Variants in FRMD4A observed in about 807,000 individuals in gnomAD.
FRMD4A encodes FERM domain-containing protein 4A.
FRMD4A carries 29 observed loss-of-function variants against 129.1 expected under a neutral mutation model. The ratio of observed to expected loss-of-function variants is 0.22; its 90% confidence interval spans 0.17 to 0.31. FRMD4A has a LOEUF of 0.31. Ranked by LOEUF, FRMD4A falls within the 10% of genes least tolerant of loss-of-function variation. FRMD4A has a pLI of 1.00. For synonymous variants in FRMD4A, 634 were observed against 571.6 expected (o/e 1.11, Z -1.56); for missense variants, 1,272 against 1,375.8 (o/e 0.92, Z 1.19).
intron 2 of FRMD4A, among the ~76,000 whole-genome samples, chr10:14,231,547 C>T (rs1016908242): frequency 6.6e-6 from 1 of 152,102 alleles, no homozygotes; most frequent in Non-Finnish European, 1.5e-5. Context: ...GAGGTTTCAC[C>T]GTGTTAGCCA....
chr10:13,769,781 C>T (rs1173984003), intron 6 of FRMD4A, among the ~76,000 whole-genome samples: 1 of 152,128 alleles, frequency 6.6e-6, no homozygotes, highest in African/African-American at 2.4e-5. Context: ...GAGCTTGCCC[C>T]TTTTTTCATT....
At chr10:13,763,419 C>T (rs1026849845) in intron 6 of FRMD4A, among the ~76,000 whole-genome samples, 10 of 152,292 alleles carry the variant, frequency 6.6e-5, no homozygotes, top group Admixed American at 1.3e-4. Context: ...TATAGTTCCT[C>T]GGTTGTACTA....
intron 6 of FRMD4A, among the ~76,000 whole-genome samples, chr10:13,763,022 A>C (rs765265849): frequency 1.4e-4 from 22 of 152,132 alleles, no homozygotes; most frequent in Non-Finnish European, 2.9e-4. Context: ...TTTCTGAGGA[A>C]TTGCTCAGAA....
At chr10:13,750,928 A>G (rs1467364947) in intron 8 of FRMD4A, among the ~76,000 whole-genome samples, 1 of 152,180 alleles carries the variant, frequency 6.6e-6, no homozygotes, top group Non-Finnish European at 1.5e-5. Context: ...GAGGGCCCAC[A>G]CTGATGAATT....
chr10:14,021,734 G>A (rs940800743), intron 2 of FRMD4A, among the ~76,000 whole-genome samples: 2 of 152,108 alleles, frequency 1.3e-5, no homozygotes, highest in East Asian at 1.9e-4. Context: ...GGGTGTTCAT[G>A]TTGTAAATAA....
At chr10:13,714,777 T>C (rs1970925) in intron 12 of FRMD4A, among the ~76,000 whole-genome samples, 151,122 of 152,250 alleles carry the variant, frequency 0.99, 75,007 homozygotes, top group Middle Eastern at 1. Flanking sequence ...TGGTGGCTCA[T>C]GCCTGTAATC....
intron 2 of FRMD4A, among the ~76,000 whole-genome samples, chr10:14,167,779 G>A (rs933638728): frequency 2.0e-5 from 3 of 152,184 alleles, no homozygotes; most frequent in Middle Eastern, 3.4e-3. Flanking sequence ...AGAGTCAGCA[G>A]GGTAGACAGA....
At chr10:14,175,905 A>C (rs1035190998) in intron 2 of FRMD4A, among the ~76,000 whole-genome samples, 2 of 152,170 alleles carry the variant, frequency 1.3e-5, no homozygotes, top group Non-Finnish European at 1.5e-5. Context: ...AGACATGTAC[A>C]TCCTTTGACC....
intron 2 of FRMD4A, among the ~76,000 whole-genome samples, chr10:14,306,068 G>C (rs1218481): frequency 0.17 from 26,414 of 152,046 alleles, 2,963 homozygotes; most frequent in African/African-American, 0.31. Flanking sequence ...GTGCAGCAAA[G>C]CACCACGGCA....
rs59818032 is a variant in FRMD4A, at chr10:13,679,474, TACACACACAC to T, written c.1118-4440_1118-4431del. Among the ~76,000 whole-genome samples the T allele has an allele frequency of 7.6e-4, 24 of 31,490 alleles. 1 individual carries two copies. The South Asian group carries it at 0.026, about 34-fold the overall frequency. 20.7% of individuals were successfully genotyped at this position (31,490 alleles called of 152,430 possible). A position where few individuals can be genotyped will look rare whatever the true frequency, so the allele number is the denominator to read the frequency against. ...AAAAAAAAAAAAATATATATATATATACACACACACACACACACACACACACACACACACA... is the reference window on the plus strand; with the variant it reads ...AAAAAAAAAAAAATATATATATATATACACACACACACACACACACACACA... On this transcript the variant is annotated intron_variant, in intron 15 of 24. Coordinates refer to ENST00000357447, the MANE Select transcript of FRMD4A (RefSeq NM_018027.5).
intron 5 of FRMD4A, among the ~76,000 whole-genome samples, chr10:13,789,769 A>ATGTGTG (rs57602565): frequency 0.28 from 36,145 of 129,786 alleles, 5,394 homozygotes; most frequent in Non-Finnish European, 0.35. Context: ...GCTGCTTATA[A>ATGTGTG]TGTGTGTGTG....
intron 2 of FRMD4A, among the ~76,000 whole-genome samples, chr10:13,864,433 G>T (rs983689756): frequency 6.6e-6 from 1 of 150,868 alleles, no homozygotes; most frequent in Admixed American, 6.6e-5. Context: ...AACCCTATTT[G>T]CATGTATTGC....
intron 2 of FRMD4A, among the ~76,000 whole-genome samples, chr10:13,884,152 A>ACACG (rs1473267533): frequency 3.4e-4 from 8 of 23,386 alleles, no homozygotes; most frequent in African/African-American, 8.1e-4. Context: ...ACTCTCACAC[A>ACACG]CTCTCACACA....
chr10:13,725,717 A>G (rs1238241433), intron 12 of FRMD4A, among the ~76,000 whole-genome samples: 1 of 152,176 alleles, frequency 6.6e-6, no homozygotes, highest in Non-Finnish European at 1.5e-5. Context: ...CTGGCTTCCC[A>G]GGTCCAGTGA....
chr10:14,219,799 G>A (rs1027098915), intron 2 of FRMD4A, among the ~76,000 whole-genome samples: 1 of 152,120 alleles, frequency 6.6e-6, no homozygotes, highest in Admixed American at 6.6e-5. Context: ...ATAGTCTGCC[G>A]GCGGGGAGGA....
At chr10:13,872,265 G>A (rs981426264) in intron 2 of FRMD4A, among the ~76,000 whole-genome samples, 1 of 152,218 alleles carries the variant, frequency 6.6e-6, no homozygotes, top group African/African-American at 2.4e-5. Flanking sequence ...CTGGGCAGGT[G>A]GCATTGGGAT....
At chr10:14,194,463 T>G (rs1589152062) in intron 2 of FRMD4A, among the ~76,000 whole-genome samples, 1 of 152,212 alleles carries the variant, frequency 6.6e-6, no homozygotes, top group Non-Finnish European at 1.5e-5. Flanking sequence ...TACAAAAAAT[T>G]AGCCGGGCGT....
intron 3 of FRMD4A, among the ~76,000 whole-genome samples, chr10:13,841,030 C>T (rs888624052): frequency 3.9e-5 from 6 of 152,042 alleles, no homozygotes; most frequent in African/African-American, 1.5e-4. Context: ...ATGGCTTGAG[C>T]CCAGGAGGTT....
chr10:13,868,277 T>C (rs1341962400), intron 2 of FRMD4A, among the ~76,000 whole-genome samples: 2 of 152,060 alleles, frequency 1.3e-5, no homozygotes, highest in Non-Finnish European at 2.9e-5. Flanking sequence ...TTATTATCAT[T>C]GTAATATGAT....
Sources: allele counts gnomAD v4.1 joint callset (sites outside exome capture counted in the v4.1 genomes callset), GRCh38; gene constraint gnomAD v4.1.1; transcripts MANE v1.5; gene names NCBI Gene and HGNC (gene_info 2026-07-23, HGNC 2026-07-21).